The following EVC variants were observed in gnomAD, a reference collection of about 807,000 sequenced individuals.
EVC encodes evC complex member EVC.
Under a neutral mutation model 118.9 loss-of-function variants are expected in EVC, and 116 were observed. The ratio of observed to expected loss-of-function variants is 0.98; its 90% confidence interval spans 0.84 to 1.14. The LOEUF is 1.14. Ranked by LOEUF, EVC falls within the 50% of genes most tolerant of loss-of-function variation. The pLI is 0.00. For synonymous variants in EVC, 619 were observed against 534.7 expected (o/e 1.16, Z -2.18); for missense variants, 1,401 against 1,246.4 (o/e 1.12, Z -1.87).
At position 5,753,867 on chromosome 4, in the gene EVC, A is replaced by G. The variant is rs1730773669; in HGVS notation, c.1398A>G (p.Gln466=). Reference sequence around the variant, plus strand: ...GAACGGCAAAACTCACGCTGGCCCAAGAGGAGGAACAGAGAAGCTTCCTGG... The same window carrying G: ...GAACGGCAAAACTCACGCTGGCCCAGGAGGAGGAACAGAGAAGCTTCCTGG... ...VEGTAKLTLA[Q]EEEQRSFLAE... is the part of the protein sequence containing the mutation. The change falls in exon 10 of 21, where the codon CAA becomes CAG. Residue 466 remains glutamine, a synonymous_variant. Transcript: ENST00000264956. 1 of 1,613,922 alleles carries G rather than the reference A, an allele frequency of 6.2e-7. No individual in the cohort carries two copies. Among genetic ancestry groups the G allele is most frequent in the Admixed American group, 1.7e-5 (1 of 60,008 alleles).
intron 1 of EVC, among the ~76,000 whole-genome samples, chr4:5,714,047 C>T (rs1174446315): frequency 2.0e-5 from 3 of 152,240 alleles, no homozygotes; most frequent in Non-Finnish European, 2.9e-5. Flanking sequence ...AGACACCTCG[C>T]TGTTCCCCGT....
intron 5 of EVC, among the ~76,000 whole-genome samples, chr4:5,739,298 T>A (rs760203928): frequency 5.3e-5 from 8 of 152,172 alleles, no homozygotes; most frequent in Non-Finnish European, 1.0e-4. Context: ...CTTCAGTGAG[T>A]AGAAAGCCAG....
chr4:5,722,471 G>T (rs1293833804), intron 2 of EVC, among the ~76,000 whole-genome samples: 2 of 152,092 alleles, frequency 1.3e-5, no homozygotes, highest in African/African-American at 4.8e-5. Context: ...GGCTGCTTTG[G>T]CCCAGTGGAT....
At chr4:5,724,618 G>A (rs1258789724) in intron 2 of EVC, among the ~76,000 whole-genome samples, 1 of 152,068 alleles carries the variant, frequency 6.6e-6, no homozygotes, top group East Asian at 1.9e-4. Flanking sequence ...CATTTTCTCT[G>A]TCTGGAAGTG....
At chr4:5,819,234 G>A (rs571752636), downstream of EVC, among the ~76,000 whole-genome samples, 40 of 152,238 alleles carry the variant, frequency 2.6e-4, no homozygotes, top group Admixed American at 1.6e-3. Flanking sequence ...AACGCTCCCC[G>A]TCCCTGCCAA....
chr4:5,821,140 G>A, the EVC span: 1 of 152,576 alleles, frequency 6.6e-6, no homozygotes, highest in Non-Finnish European at 1.5e-5. The surrounding 1 kb of genome is among the most constrained non-coding windows in gnomAD (Gnocchi z 4.4). Context: ...GGATGTGGAG[G>A]ATGCTTCTCT....
the EVC span, chr4:5,828,093 G>A: frequency 4.1e-6 from 4 of 985,310 alleles, no homozygotes; most frequent in African/African-American, 7.0e-5. Flanking sequence ...AGACCCGAGG[G>A]TTTCTGAGCC....
At chr4:5,770,449 T>A (rs1733768734) in intron 11 of EVC, among the ~76,000 whole-genome samples, 1 of 152,100 alleles carries the variant, frequency 6.6e-6, no homozygotes, top group Non-Finnish European at 1.5e-5. Flanking sequence ...CCCTCTTTGG[T>A]CAAGATTAAG....
At chr4:5,780,795 C>T (rs777541614) in intron 11 of EVC, among the ~76,000 whole-genome samples, 3 of 152,148 alleles carry the variant, frequency 2.0e-5, no homozygotes, top group South Asian at 2.1e-4. Context: ...ATGGACTCAG[C>T]CTATAGTTGT....
rs1414440841 is a variant in EVC at position 5,761,495 on chromosome 4, C to CG, written c.1563+5139dup. On this transcript the variant is annotated intron_variant, in intron 11 of 20. Transcript: ENST00000264956. ...ATTTATACATTTTCCTTTAAAAAGG[C>CG]GGGGGGCGGGGGGTGGTTGGGGGGT... Among the ~76,000 whole-genome samples, 54 of 68,616 alleles carry CG rather than the reference C, an allele frequency of 7.9e-4. No homozygotes were observed. The East Asian group carries it at 0.016, about 20-fold the overall frequency. The allele number at this position is 68,616 out of a possible 152,430, so 45.0% of individuals were successfully genotyped here. A position where few individuals can be genotyped will look rare whatever the true frequency, so the allele number is the denominator to read the frequency against.
chr4:5,770,675 A>G (rs1041136677), intron 11 of EVC, among the ~76,000 whole-genome samples: 1 of 152,170 alleles, frequency 6.6e-6, no homozygotes, highest in Non-Finnish European at 1.5e-5. Context: ...CTAGACAATC[A>G]GTCAATATTG....
Position 5,797,140 on chromosome 4 carries a change from C to T in EVC, c.2005C>T (p.His669Tyr). 7 of 1,613,624 alleles carry T rather than the reference C, an allele frequency of 4.3e-6. No individual in the cohort carries two copies. Among genetic ancestry groups the T allele is most frequent in the Non-Finnish European group, 5.9e-6 (7 of 1,180,018 alleles). The stretch of plus-strand genomic sequence containing the variant: ...GCAGATGCGGCTATCGGGGAAGAAG[C>T]ACCTCCTGCAGGAGCTGCGGGAACA... Reference protein sequence around the residue: ...LTQMRLSGKKHLLQELREQRA... With the variant: ...LTQMRLSGKKYLLQELREQRA... The change falls in exon 14 of 21, where the codon CAC (histidine) becomes TAC (tyrosine). Residue 669 changes from histidine (H) to tyrosine (Y), a missense_variant. Transcript: ENST00000264956.
intron 11 of EVC, among the ~76,000 whole-genome samples, chr4:5,776,628 A>G (rs959826567): frequency 3.9e-5 from 6 of 152,108 alleles, no homozygotes; most frequent in African/African-American, 9.7e-5. Context: ...AGAGACTCCA[A>G]TTTAACATGT....
chr4:5,768,361 A>T (rs1327870310), intron 11 of EVC, among the ~76,000 whole-genome samples: 1 of 152,054 alleles, frequency 6.6e-6, no homozygotes, highest in South Asian at 2.1e-4. Flanking sequence ...CTGGTAGGAG[A>T]CTGCTGTGGC....
rs951501605 is a variant in EVC at position 5,755,895 on chromosome 4, G to A, written c.1465-369G>A. ...TTGCTGACTGCACTGACCTCCAATCGCCAGTCTGTGTCACCCCTGCTGGGT... is the reference window on the plus strand; with the variant it reads ...TTGCTGACTGCACTGACCTCCAATCACCAGTCTGTGTCACCCCTGCTGGGT... On this transcript the variant is annotated intron_variant, in intron 10 of 20. Transcript: ENST00000264956. This position sits in a 1 kb window ranked among gnomAD's most constrained non-coding sequence, Gnocchi z 4.1. Among the ~76,000 whole-genome samples, 2 of 152,154 alleles carry A rather than the reference G, an allele frequency of 1.3e-5. No homozygotes were observed. The highest frequency in any genetic ancestry group is 1.3e-4 in the Admixed American group (2 of 15,278).
the EVC span, chr4:5,828,361 A>G: frequency 6.9e-7 from 1 of 1,441,324 alleles, no homozygotes; most frequent in Non-Finnish European, 9.1e-7. Context: ...CCCATTTAAC[A>G]GATAAGGAAA....
At position 5,755,519 on chromosome 4, in the gene EVC, C is replaced by T. The variant is rs980161024; in HGVS notation, c.1465-745C>T. Among the ~76,000 whole-genome samples the T allele has an allele frequency of 2.0e-5, 3 of 152,100 alleles. No individual in the cohort carries two copies. Among genetic ancestry groups the T allele is most frequent in the Non-Finnish European group, 4.4e-5 (3 of 68,016 alleles). ...CACCTTTTTCCAGTCCCGCCCTTCT[C>T]TCTCATCTCACCTCCTGCCCGTAGC... On this transcript the variant is annotated intron_variant, in intron 10 of 20. Coordinates refer to ENST00000264956, the MANE Select transcript of EVC (RefSeq NM_153717.3). The surrounding 1 kb of genome is among the most constrained non-coding windows in gnomAD (Gnocchi z 4.1).
chr4:5,752,037 G>C (rs190253051), intron 8 of EVC, among the ~76,000 whole-genome samples: 316 of 152,312 alleles, frequency 2.1e-3, no homozygotes, highest in African/African-American at 6.8e-3. Context: ...TGTGAGGTGG[G>C]GTTAGAGCAT....
chr4:5,822,493 A>AGG, the EVC span, among the ~76,000 whole-genome samples: 603 of 134,086 alleles, frequency 4.5e-3, 3 homozygotes, highest in Middle Eastern at 7.5e-3. Context: ...GTGGATCTGA[A>AGG]GGGGGGGGGG....
Sources: allele counts gnomAD v4.1 joint callset (sites outside exome capture counted in the v4.1 genomes callset), GRCh38; gene constraint gnomAD v4.1.1; non-coding constraint Gnocchi (gnomAD v3.1); transcripts MANE v1.5; gene names NCBI Gene and HGNC (gene_info 2026-07-23, HGNC 2026-07-21).